The following LPA variants were observed in gnomAD, a reference collection of about 807,000 sequenced individuals.
The protein encoded by LPA is lipoprotein(a), also known as apolipoprotein(a).
LPA carries 199 observed loss-of-function variants against 197.9 expected under a neutral mutation model. That is an observed-to-expected ratio of 1.01 (90% confidence interval 0.90 to 1.13). The LOEUF is 1.13. Among genes scored for constraint, LPA ranks in the 50% most tolerant of loss-of-function variants. The probability of loss-of-function intolerance (pLI) is 0.00; values close to 1 mark genes in which losing one functional copy is unlikely to be tolerated. For synonymous variants in LPA, 715 were observed against 639.5 expected (o/e 1.12, Z -1.78); for missense variants, 1,853 against 1,785.8 (o/e 1.04, Z -0.68).
rs1778187488 is a variant in LPA at position 160,552,826 on chromosome 6, A to G, written c.4973+3199T>C. 3.3e-5 allele frequency among the ~76,000 whole-genome samples: 5 copies of G among 152,302 alleles called. No homozygotes were observed. In the South Asian group the frequency reaches 1.0e-3, roughly 32 times the overall value. On this transcript the variant is annotated intron_variant, in intron 30 of 38. Transcript: ENST00000316300. Reference sequence around the variant, plus strand: ...TTTATTTGTAATGCTTAATCCTTTTATATTTAATATACTCATAAGGTAGTT... The same window carrying G: ...TTTATTTGTAATGCTTAATCCTTTTGTATTTAATATACTCATAAGGTAGTT...
intron 17 of LPA, among the ~76,000 whole-genome samples, 185 bp downstream of exon 17, chr6:160,606,292 A>G (rs552422541): frequency 3.2e-4 from 48 of 152,310 alleles, no homozygotes; most frequent in African/African-American, 1.1e-3. Context: ...AGCCCACCCA[A>G]CGTTGTACCA....
At position 160,557,436 on chromosome 6, in the gene LPA, A is replaced by C; in HGVS notation, c.4767T>G (p.Thr1589=). 6.2e-7 allele frequency: 1 copy of C among 1,614,142 alleles called. No homozygotes were observed. Among genetic ancestry groups the C allele is most frequent in the Non-Finnish European group, 8.5e-7 (1 of 1,180,018 alleles). ...CSETESGVLE[T]PTVVPVPSME... ...TGCTTGGAACTGGAACAACAGTGGG[A>C]GTCTCTAGGACACCTGATTCTGTTT... The change falls in exon 29 of 39, where the codon ACT becomes ACG. Residue 1589 remains threonine (T), a synonymous_variant. Transcript: ENST00000316300.
At chr6:160,599,355 T>C in intron 20 of LPA, 145 bp downstream of exon 20, 7 of 1,289,126 alleles carry the variant, frequency 5.4e-6, no homozygotes, top group Non-Finnish European at 7.8e-6. Flanking sequence ...AAAAACAAAG[T>C]CTTCTCTAAG....
rs774631916 is a variant in LPA, at chr6:160,532,577, T to G, written c.5915A>C (p.Lys1972Thr). The G allele has an allele frequency of 1.9e-6, 3 of 1,613,356 alleles. No homozygotes were observed. The South Asian group carries it at 3.3e-5, about 18-fold the overall frequency. ...GGCCAAATGCTCAGCACAAATATAC[T>G]TATAGTGATTGCACACTTCATTCTC... ...VIENEVCNHY[K>T]YICAEHLARG... The change falls in exon 38 of 39, where the codon AAG (lysine) becomes ACG (threonine). Residue 1972 changes from lysine (K) to threonine (T), a missense_variant. Transcript: ENST00000316300.
At chr6:160,606,749 T>A (rs1779363278) in intron 16 of LPA, 91 bp from the exon 17 acceptor site, 4 of 1,532,908 alleles carry the variant, frequency 2.6e-6, no homozygotes, top group South Asian at 1.1e-5. Context: ...ACAAGGTCAT[T>A]ACCAGTGCCT....
Position 160,548,506 on chromosome 6 carries a change from A to G in LPA, c.5127T>C (p.Val1709=), listed in dbSNP as rs1379322286. ...GTTCAGAAGGAGGCCCTAGGCTTGGAACCTGGATGACAGTCGGAGGAGCGA... is the reference window on the plus strand; with the variant it reads ...GTTCAGAAGGAGGCCCTAGGCTTGGGACCTGGATGACAGTCGGAGGAGCGA... ...TVVAPPTVIQ[V]PSLGPPSEQD... Residue 1709 remains valine, a synonymous_variant, in exon 31 of 39, where the codon GTT becomes GTC. Transcript: ENST00000316300. 2 of 1,613,946 alleles carry G rather than the reference A, an allele frequency of 1.2e-6. No individual in the cohort carries two copies. Among genetic ancestry groups the G allele is most frequent in the Non-Finnish European group, 1.7e-6 (2 of 1,180,014 alleles).
chr6:160,654,637 G>A (rs1368378457), intron 1 of LPA, among the ~76,000 whole-genome samples: 4 of 151,784 alleles, frequency 2.6e-5, no homozygotes, highest in Non-Finnish European at 1.5e-5. Flanking sequence ...AACCAGAAAC[G>A]CACCAATCCC....
intron 19 of LPA, 60 bp from the exon 20 acceptor site, chr6:160,599,719 G>C: frequency 6.3e-7 from 1 of 1,593,696 alleles, no homozygotes. Context: ...AATACAGGAA[G>C]CCATTTATGA....
chr6:160,606,297 G>T (rs1254873924), intron 17 of LPA, among the ~76,000 whole-genome samples, 180 bp downstream of exon 17: 1 of 152,154 alleles, frequency 6.6e-6, no homozygotes, highest in Non-Finnish European at 1.5e-5. Flanking sequence ...ACCCAACGTT[G>T]TACCAGAAAT....
intron 1 of LPA, 32 bp from the exon 2 acceptor site, chr6:160,650,529 T>C (rs1312012449): frequency 2.5e-6 from 4 of 1,609,862 alleles, no homozygotes; most frequent in Non-Finnish European, 2.5e-6. Context: ...TCAAGCTGAA[T>C]AGTTCTTAGA....
chr6:160,602,019 C>T (rs751290071), intron 18 of LPA, among the ~76,000 whole-genome samples: 2 of 152,180 alleles, frequency 1.3e-5, no homozygotes, highest in Non-Finnish European at 2.9e-5. Context: ...AAGAACATTG[C>T]TCCAACCTCT....
chr6:160,650,265 G>T (rs1582899349), intron 2 of LPA, 73 bp downstream of exon 2: 1 of 1,491,166 alleles, frequency 6.7e-7, no homozygotes, highest in Non-Finnish European at 9.3e-7. Flanking sequence ...TAAGAAGTTA[G>T]CTTGACGCAC....
Position 160,579,597 on chromosome 6 carries a change from A to T in LPA, c.4290-893T>A, listed in dbSNP as rs190322879. Among the ~76,000 whole-genome samples, 10 of 152,210 alleles carry T rather than the reference A, an allele frequency of 6.6e-5. No homozygotes were observed. The East Asian group carries it at 1.5e-3, about 24-fold the overall frequency. On this transcript the variant is annotated intron_variant, in intron 26 of 38. Coordinates refer to ENST00000316300, the MANE Select transcript of LPA (RefSeq NM_005577.4). ...GCAGTAAGAGGCACAGCAGGTGAAG[A>T]CCCCAGGCTGGAGGAATCTTGGAGA... is the stretch of plus-strand genomic sequence containing the variant.
Position 160,557,557 on chromosome 6 carries a change from T to A in LPA, c.4646A>T (p.Asn1549Ile), listed in dbSNP as rs1215203694. The stretch of plus-strand genomic sequence containing the variant: ...CCCAGAATCTGGATTCCTGCAGTAG[T>A]TCTCGGTCAGGCCACTGCAAATTCC... Reference protein sequence around the residue: ...ENYPNAGLTENYCRNPDSGKQ... With the variant: ...ENYPNAGLTEIYCRNPDSGKQ... The change falls in exon 29 of 39, where the codon AAC becomes ATC. Residue 1549 changes from asparagine (N) to isoleucine (I), a missense_variant. Coordinates refer to ENST00000316300, the MANE Select transcript of LPA (RefSeq NM_005577.4). 8.7e-6 allele frequency: 14 copies of A among 1,613,986 alleles called. No homozygotes were observed. Among genetic ancestry groups the A allele is most frequent in the Non-Finnish European group, 9.3e-6 (11 of 1,179,996 alleles).
At position 160,585,917 on chromosome 6, in the gene LPA, C is replaced by T. The variant is rs541174590; in HGVS notation, c.4129+532G>A. 2.3e-3 allele frequency among the ~76,000 whole-genome samples: 344 copies of T among 152,176 alleles called. 1 individual carries two copies. Among genetic ancestry groups the T allele is most frequent in the African/African-American group, 7.9e-3 (327 of 41,544 alleles). ...TCCCTCAAATCCTAGGTGTGGAAGG[C>T]ATGCCCAAGATGAAGGTAGGCTGGG... On this transcript the variant is annotated intron_variant, in intron 25 of 38. Coordinates refer to ENST00000316300, the MANE Select transcript of LPA (RefSeq NM_005577.4).
rs1362558228 is a variant in LPA at position 160,650,448 on chromosome 6, T to C, written c.99A>G (p.Gly33=). Residue 33 remains glycine (G), a synonymous_variant, in exon 2 of 39, where the codon GGA becomes GGG. Transcript: ENST00000316300. ...TGGAGTACGTGCCTCGATAACTCTG[T>C]CCATCACCATGGTAGCAATCCTGGA... ...HVVQDCYHGD[G]QSYRGTYSTT... is the part of the protein sequence containing the mutation. The C allele has an allele frequency of 5.6e-6, 9 of 1,613,916 alleles. No homozygotes were observed. The highest frequency in any genetic ancestry group is 6.8e-6 in the Non-Finnish European group (8 of 1,179,830).
intron 1 of LPA, among the ~76,000 whole-genome samples, 198 bp from the exon 2 acceptor site, chr6:160,650,695 A>G (rs1779989840): frequency 1.3e-5 from 2 of 152,340 alleles, no homozygotes; most frequent in Non-Finnish European, 1.5e-5. Flanking sequence ...TCTTAGAAAT[A>G]TTTTATTTAA....
chr6:160,608,981 T>C (rs566320180), intron 16 of LPA, among the ~76,000 whole-genome samples: 11 of 152,250 alleles, frequency 7.2e-5, no homozygotes, highest in Admixed American at 6.5e-4. Flanking sequence ...TCCAGTAATT[T>C]TTTCTTTTAA....
Position 160,556,583 on chromosome 6 carries a change from C to T in LPA, c.4814-399G>A, listed in dbSNP as rs1011474055. Among the ~76,000 whole-genome samples, 9 of 152,102 alleles carry T rather than the reference C, an allele frequency of 5.9e-5. 1 individual carries two copies. The highest frequency in any genetic ancestry group is 2.2e-4 in the African/African-American group (9 of 41,426). Reference sequence around the variant, plus strand: ...AGACATGAAAACCCTGCACAGTTCCCTAGATGATTGCTCCTGAAAAGCCAA... The same window carrying T: ...AGACATGAAAACCCTGCACAGTTCCTTAGATGATTGCTCCTGAAAAGCCAA... On this transcript the variant is annotated intron_variant, in intron 29 of 38. Transcript: ENST00000316300.
Sources: gnomAD v4.1 joint callset for allele counts (sites outside exome capture counted in the v4.1 genomes callset) on GRCh38, gnomAD v4.1.1 for gene constraint, MANE v1.5 for transcripts, NCBI Gene and HGNC (gene_info 2026-07-23, HGNC 2026-07-21) for gene names.